USP40: variants seen among roughly 807,000 people sequenced by gnomAD.
The protein encoded by USP40 is ubiquitin carboxyl-terminal hydrolase 40.
Under a neutral mutation model 166.2 loss-of-function variants are expected in USP40, and 143 were observed. The observed-to-expected ratio is 0.86, with a 90% CI of 0.75 to 0.99. USP40 has a LOEUF of 0.99. Among genes scored for constraint, USP40 ranks in the 50% least tolerant of loss-of-function variants. The pLI is 0.00. For missense variants in USP40, 1,444 were observed against 1,479.7 expected (o/e 0.98, Z 0.40); for synonymous variants, 498 against 524.0 (o/e 0.95, Z 0.68).
intron 6 of USP40, among the ~76,000 whole-genome samples, chr2:233,554,152 G>A (rs2070836029): frequency 6.6e-6 from 1 of 152,162 alleles, no homozygotes; most frequent in South Asian, 2.1e-4. Context: ...ACGAAACACT[G>A]AGGTACAATA....
intron 31 of USP40, among the ~76,000 whole-genome samples, chr2:233,479,910 G>A (rs563919527): frequency 5.4e-4 from 82 of 152,246 alleles, no homozygotes; most frequent in African/African-American, 1.7e-3. Flanking sequence ...CCCAGGGGCC[G>A]TGCTGCTTGC....
chr2:233,476,929 G>C lies in USP40; in HGVS notation c.*463C>G. ...TTCTGCCCGCTTCTGCTCAGCACCA[G>C]CGCGGTGGCGCAGTGGCCTGAGACA... is the stretch of plus-strand genomic sequence containing the variant. On this transcript the variant is annotated 3_prime_UTR_variant, in exon 32 of 32. Transcript: ENST00000678225. The C allele has an allele frequency of 3.8e-6, 1 of 266,602 alleles. No homozygotes were observed. Among genetic ancestry groups the C allele is most frequent in the South Asian group, 4.0e-5 (1 of 24,892 alleles). The allele number at this position is 266,602 out of a possible 1,614,324, so 16.5% of individuals were successfully genotyped here.
chr2:233,556,958 G>C lies in USP40; in HGVS notation c.443C>G (p.Ser148Cys), dbSNP rs1392397004. The C allele has an allele frequency of 6.2e-7, 1 of 1,613,926 alleles. No individual in the cohort carries two copies. The highest frequency in any genetic ancestry group is 8.5e-7 in the Non-Finnish European group (1 of 1,179,864). ...GTCATGACCGGAGGTCCCAACTAAA[G>C]AAGTTTCCAAAGCGCTGAAGAGGAT... ...NRILFSALET[S>C]LVGTSGHDLI... Residue 148 changes from serine (S) to cysteine (C), a missense_variant, in exon 5 of 32, where the codon TCT becomes TGT. Ser to Cys is a moderately radical substitution (Grantham distance 112). Transcript: ENST00000678225.
intron 5 of USP40, 101 bp from the exon 6 acceptor site, chr2:233,554,627 T>G (rs1042344116): frequency 2.2e-6 from 2 of 905,710 alleles, no homozygotes; most frequent in Non-Finnish European, 1.5e-6. Flanking sequence ...ATATGTTTTC[T>G]AAAACATTAC....
intron 28 of USP40, chr2:233,487,632 C>T (rs773086370): frequency 1.0e-5 from 2 of 200,028 alleles, no homozygotes; most frequent in Non-Finnish European, 2.1e-5. Flanking sequence ...ATGATATTTA[C>T]AAAAGGACTT....
intron 11 of USP40, among the ~76,000 whole-genome samples, chr2:233,532,843 A>G (rs2068648762): frequency 6.6e-6 from 1 of 152,052 alleles, no homozygotes; most frequent in Non-Finnish European, 1.5e-5. Context: ...AAGGGAAGAG[A>G]ATCACTTGAG....
chr2:233,548,433 A>G (rs747298655), intron 8 of USP40, among the ~76,000 whole-genome samples: 1 of 152,186 alleles, frequency 6.6e-6, no homozygotes, highest in Non-Finnish European at 1.5e-5. Flanking sequence ...TGCTCATTTT[A>G]TTTTTCAGAA....
rs1394742797 is a variant in USP40, at chr2:233,481,298, C to G, written c.3505-1G>C. ...CATCATCGTCGTCAATCAGGAGATTCTACATTTCAAAAGAAGTAATGAGCA... is the reference window on the plus strand; with the variant it reads ...CATCATCGTCGTCAATCAGGAGATTGTACATTTCAAAAGAAGTAATGAGCA... On this transcript the variant is annotated splice_acceptor_variant, in intron 30 of 31. Coordinates refer to ENST00000678225, the MANE Select transcript of USP40 (RefSeq NM_001365479.2). LOFTEE classifies it high-confidence loss of function. 1 of 1,592,286 alleles carries G rather than the reference C, an allele frequency of 6.3e-7. No individual in the cohort carries two copies. Among genetic ancestry groups the G allele is most frequent in the Admixed American group, 1.8e-5 (1 of 56,816 alleles).
chr2:233,520,947 T>C, intron 17 of USP40, 44 bp downstream of exon 17: 1 of 1,580,316 alleles, frequency 6.3e-7, no homozygotes, highest in Non-Finnish European at 8.6e-7. Flanking sequence ...AAAATTCTGT[T>C]AACTGAAAAT....
chr2:233,485,485 CCCT>C (rs769167266), intron 30 of USP40, 43 bp downstream of exon 30: 1 of 1,418,634 alleles, frequency 7.0e-7, no homozygotes, highest in African/African-American at 1.4e-5. Flanking sequence ...AATCATGTGA[CCCT>C]CGTGTCTTCT....
intron 18 of USP40, among the ~76,000 whole-genome samples, chr2:233,513,541 A>C (rs1054188346): frequency 1.3e-5 from 2 of 152,150 alleles, no homozygotes; most frequent in African/African-American, 2.4e-5. Context: ...TCAAGTGTGT[A>C]CTTTATTCAG....
intron 31 of USP40, among the ~76,000 whole-genome samples, chr2:233,478,668 G>A (rs1241953805): frequency 3.3e-4 from 50 of 152,194 alleles, no homozygotes; most frequent in Admixed American, 3.1e-3. Context: ...ACAGATTGGC[G>A]ACAGCCTGGA....
At chr2:233,547,166 G>T (rs1012283380) in intron 8 of USP40, 1 of 152,096 alleles carries the variant, frequency 6.6e-6, no homozygotes, top group African/African-American at 2.4e-5. Context: ...CAAGATTATT[G>T]GTTGTTAGTG....
At chr2:233,491,680 CA>C (rs1403655740) in intron 25 of USP40, among the ~76,000 whole-genome samples, 1 of 151,878 alleles carries the variant, frequency 6.6e-6, no homozygotes, top group Admixed American at 6.6e-5. Context: ...CTCAAAACAA[CA>C]GAATTTTCAA....
At chr2:233,499,017 G>A (rs1336783482) in intron 22 of USP40, among the ~76,000 whole-genome samples, 1 of 152,086 alleles carries the variant, frequency 6.6e-6, no homozygotes, top group Non-Finnish European at 1.5e-5. Flanking sequence ...TTAAGTTCTG[G>A]GGTACATGTG....
Position 233,520,990 on chromosome 2 carries a change from C to T in USP40, c.2325+1G>A, listed in dbSNP as rs994351325. 2.5e-6 allele frequency: 4 copies of T among 1,610,440 alleles called. No homozygotes were observed. The highest frequency in any genetic ancestry group is 1.3e-5 in the African/African-American group (1 of 74,924). ...CCAACCTTTAATTATATTCTACTCA[C>T]TGTGTTAACAGTTGCTGATATTTTA... On this transcript the variant is annotated splice_donor_variant, in intron 17 of 31. Coordinates refer to ENST00000678225, the MANE Select transcript of USP40 (RefSeq NM_001365479.2). LOFTEE classifies it high-confidence loss of function.
In USP40 at chr2:233,554,544, A is replaced by G. The variant is rs759612368; in HGVS notation, c.547-18T>C. On this transcript the variant is annotated intron_variant, in intron 5 of 31. Transcript: ENST00000678225. The stretch of plus-strand genomic sequence containing the variant: ...AAGTCTTCCTGAAATAGACATGAAT[A>G]TAATATTGAAAAACAATTTCAGAGG... 12 of 1,582,880 alleles carry G rather than the reference A, an allele frequency of 7.6e-6. No individual in the cohort carries two copies. The African/African-American group carries it at 1.1e-4, about 14-fold the overall frequency.
chr2:233,520,952 G>A, intron 17 of USP40, 39 bp downstream of exon 17: 2 of 1,584,186 alleles, frequency 1.3e-6, no homozygotes, highest in Non-Finnish European at 1.7e-6. Flanking sequence ...TCTGTTAACT[G>A]AAAATCTATC....
chr2:233,534,816 T>C (rs916779698), intron 10 of USP40, among the ~76,000 whole-genome samples: 4 of 152,220 alleles, frequency 2.6e-5, no homozygotes, highest in African/African-American at 9.6e-5. Flanking sequence ...CACGTTTTTC[T>C]TTGTTTGATA....
Sources: gnomAD v4.1 joint callset for allele counts (sites outside exome capture counted in the v4.1 genomes callset) on GRCh38, gnomAD v4.1.1 for gene constraint, MANE v1.5 for transcripts, NCBI Gene and HGNC (gene_info 2026-07-23, HGNC 2026-07-21) for gene names.